SHROOM3: variants seen among roughly 807,000 people sequenced by gnomAD.
The protein encoded by SHROOM3 is shroom family member 3.
Under a neutral mutation model 138.6 loss-of-function variants are expected in SHROOM3, and 47 were observed. The ratio of observed to expected loss-of-function variants is 0.34; its 90% confidence interval spans 0.27 to 0.43. The LOEUF (loss-of-function observed/expected upper bound fraction) is 0.43. Among genes scored for constraint, SHROOM3 ranks in the 20% least tolerant of loss-of-function variants. The probability of loss-of-function intolerance (pLI) is 1.00; values close to 1 mark genes in which losing one functional copy is unlikely to be tolerated. For synonymous variants in SHROOM3, 1,062 were observed against 1,063.3 expected (o/e 1.00, Z 0.02); for missense variants, 2,491 against 2,596.5 (o/e 0.96, Z 0.88).
In SHROOM3 at chr4:76,739,600, A is replaced by G. The variant is rs1721182746; in HGVS notation, c.1427A>G (p.His476Arg). The stretch of plus-strand genomic sequence containing the variant: ...TACCCGGTACCTTCCCTGGAGCCAC[A>G]CTTTGCCCAGGTGCCTCAGCCTTCT... ...SIYPVPSLEP[H>R]FAQVPQPSVS... Residue 476 changes from histidine (H) to arginine (R), a missense_variant, in exon 5 of 11, where the codon CAC (histidine) becomes CGC (arginine). Transcript: ENST00000296043. 2 of 1,614,160 alleles carry G rather than the reference A, an allele frequency of 1.2e-6. No homozygotes were observed. Among genetic ancestry groups the G allele is most frequent in the African/African-American group, 2.7e-5 (2 of 75,038 alleles).
At chr4:76,658,442 GGAAATAGCAA>G (rs1247622670) in intron 2 of SHROOM3, among the ~76,000 whole-genome samples, 1 of 152,084 alleles carries the variant, frequency 6.6e-6, no homozygotes, top group African/African-American at 2.4e-5. Flanking sequence ...GAACATAACA[GGAAATAGCAA>G]GACTAAAAAT....
At chr4:76,442,900 A>G (rs1259487613) in intron 1 of SHROOM3, among the ~76,000 whole-genome samples, 1 of 152,164 alleles carries the variant, frequency 6.6e-6, no homozygotes, top group African/African-American at 2.4e-5. Flanking sequence ...TGAATGAATA[A>G]AGAGGAAGAT....
intron 2 of SHROOM3, among the ~76,000 whole-genome samples, chr4:76,673,356 G>T (rs566931056): frequency 1.6e-3 from 243 of 152,144 alleles, no homozygotes; most frequent in Non-Finnish European, 2.9e-3. Context: ...TTATACCAAG[G>T]TAATTTTAAA....
chr4:76,563,725 C>G (rs919661905), intron 2 of SHROOM3, among the ~76,000 whole-genome samples: 2 of 152,144 alleles, frequency 1.3e-5, no homozygotes, highest in African/African-American at 4.8e-5. Context: ...GTGCAGTGAC[C>G]TTTTTATAGG....
chr4:76,770,923 A>G lies in SHROOM3; in HGVS notation c.5622+25A>G, dbSNP rs764767130. On this transcript the variant is annotated intron_variant, in intron 10 of 10. Coordinates refer to ENST00000296043, the MANE Select transcript of SHROOM3 (RefSeq NM_020859.4). ...GGTAGGTGGCCTAGTGATGCAGTTC[A>G]ACAAGTTCTCCCTCAAAGCCCACAT... The G allele has an allele frequency of 6.2e-6, 10 of 1,614,146 alleles. No homozygotes were observed. In the South Asian group the frequency reaches 8.8e-5, roughly 14 times the overall value.
chr4:76,633,556 C>T (rs1735397139), intron 2 of SHROOM3, among the ~76,000 whole-genome samples: 1 of 147,782 alleles, frequency 6.8e-6, no homozygotes, highest in African/African-American at 2.5e-5. Context: ...ATGCGGGAGG[C>T]TGAGGCAGCA....
intron 3 of SHROOM3, among the ~76,000 whole-genome samples, 197 bp downstream of exon 3, chr4:76,710,484 G>C (rs1195684586): frequency 6.6e-6 from 1 of 152,114 alleles, no homozygotes; most frequent in South Asian, 2.1e-4. Flanking sequence ...GGTAGTTTAC[G>C]CACAAGGTTC....
At chr4:76,594,430 G>C (rs1402235386) in intron 2 of SHROOM3, among the ~76,000 whole-genome samples, 1 of 152,144 alleles carries the variant, frequency 6.6e-6, no homozygotes. Context: ...ATAAACAATA[G>C]TAAGGCCATA....
At chr4:76,669,240 C>T (rs1048568463) in intron 2 of SHROOM3, among the ~76,000 whole-genome samples, 17 of 152,264 alleles carry the variant, frequency 1.1e-4, no homozygotes, top group Middle Eastern at 3.4e-3. Context: ...AAACCAAGGA[C>T]GGTTTTATAA....
intron 2 of SHROOM3, among the ~76,000 whole-genome samples, chr4:76,579,284 C>A (rs1733998810): frequency 6.6e-6 from 1 of 151,908 alleles, no homozygotes; most frequent in South Asian, 2.1e-4. Context: ...CTGGCTAACA[C>A]GGTGAAACCC....
At chr4:76,509,367 T>C (rs1019647569) in intron 1 of SHROOM3, 1 of 152,172 alleles carries the variant, frequency 6.6e-6, no homozygotes, top group African/African-American at 2.4e-5. Context: ...GCTGTGCAGG[T>C]ACCTGGGGCC....
chr4:76,523,863 G>A (rs1409400284), intron 1 of SHROOM3, among the ~76,000 whole-genome samples: 1 of 152,164 alleles, frequency 6.6e-6, no homozygotes, highest in Non-Finnish European at 1.5e-5. Flanking sequence ...AACAAGGGGC[G>A]TGTGTGTGTG....
intron 2 of SHROOM3, among the ~76,000 whole-genome samples, chr4:76,662,903 T>A (rs749908600): frequency 1.1e-4 from 14 of 130,116 alleles, no homozygotes; most frequent in Non-Finnish European, 2.0e-4. Flanking sequence ...GAGAGAGAGG[T>A]AGAGGGAGAG....
intron 2 of SHROOM3, among the ~76,000 whole-genome samples, chr4:76,600,044 C>G (rs1734472681): frequency 6.6e-6 from 1 of 151,996 alleles, no homozygotes; most frequent in Admixed American, 6.6e-5. Context: ...CCCAGCTACT[C>G]AGGAGGCTGA....
At chr4:76,478,673 C>G (rs1189613881) in intron 1 of SHROOM3, among the ~76,000 whole-genome samples, 1 of 152,180 alleles carries the variant, frequency 6.6e-6, no homozygotes, top group East Asian at 1.9e-4. Flanking sequence ...ACCCCCTTGC[C>G]TCCTGACTGG....
At chr4:76,685,367 T>TA (rs1298211936) in intron 2 of SHROOM3, among the ~76,000 whole-genome samples, 2 of 145,150 alleles carry the variant, frequency 1.4e-5, no homozygotes, top group African/African-American at 2.7e-5. Flanking sequence ...GCTGATGAGC[T>TA]AAAAAACAAA....
intron 2 of SHROOM3, among the ~76,000 whole-genome samples, chr4:76,629,762 C>T (rs545929305): frequency 6.6e-6 from 1 of 152,208 alleles, no homozygotes; most frequent in Non-Finnish European, 1.5e-5. Flanking sequence ...GCTGGAACTG[C>T]CATCAACTGA....
rs183436191 is a variant in SHROOM3 at position 76,601,748 on chromosome 4, C to A, written c.323+45985C>A. ...TCTCGAACTCCTGACCTCAGGTGAT[C>A]CATCCACCTTGGCCTCCCAAAGTGC... is the stretch of plus-strand genomic sequence containing the variant. On this transcript the variant is annotated intron_variant, in intron 2 of 10. Coordinates refer to ENST00000296043, the MANE Select transcript of SHROOM3 (RefSeq NM_020859.4). 6.6e-3 allele frequency among the ~76,000 whole-genome samples: 1,010 copies of A among 152,286 alleles called. 12 individuals carry two copies. The highest frequency in any genetic ancestry group is 0.024 in the African/African-American group (977 of 41,566).
chr4:76,678,279 C>T (rs1719097621), intron 2 of SHROOM3, among the ~76,000 whole-genome samples: 1 of 152,086 alleles, frequency 6.6e-6, no homozygotes. Context: ...TTTTTGTTGA[C>T]ATAGAGCACC....
Sources: allele counts gnomAD v4.1 joint callset (sites outside exome capture counted in the v4.1 genomes callset), GRCh38; gene constraint gnomAD v4.1.1; transcripts MANE v1.5; gene names NCBI Gene and HGNC (gene_info 2026-07-23, HGNC 2026-07-21).